Variants in PDLIM5 observed in about 807,000 individuals in gnomAD.
PDLIM5 encodes PDZ and LIM domain 5, also known as PDZ and LIM domain protein 5.
PDLIM5 carries 34 observed loss-of-function variants against 64.2 expected under a neutral mutation model. That is an observed-to-expected ratio of 0.53 (90% confidence interval 0.40 to 0.71). The LOEUF is 0.71. PDLIM5 is among the 30% of genes least tolerant of loss of function. PDLIM5 has a pLI of 0.00. For missense variants in PDLIM5, 683 were observed against 733.6 expected (o/e 0.93, Z 0.80); for synonymous variants, 253 against 269.1 (o/e 0.94, Z 0.59).
At chr4:94,454,325 GTT>G (rs775434642) in intron 1 of PDLIM5, among the ~76,000 whole-genome samples, 15 of 121,826 alleles carry the variant, frequency 1.2e-4, no homozygotes, top group Admixed American at 1.7e-4. Flanking sequence ...GAAACTCGAA[GTT>G]TTTTTTTTTT....
At chr4:94,549,085 A>G (rs140994715) in intron 3 of PDLIM5, among the ~76,000 whole-genome samples, 7 of 152,288 alleles carry the variant, frequency 4.6e-5, no homozygotes, top group Admixed American at 1.3e-4. Flanking sequence ...TCGGTTTCCA[A>G]TACTTGTTTG....
intron 3 of PDLIM5, among the ~76,000 whole-genome samples, chr4:94,556,282 C>T (rs1733312996): frequency 6.6e-6 from 1 of 152,130 alleles, no homozygotes; most frequent in Non-Finnish European, 1.5e-5. Context: ...ATATGTGCCA[C>T]ATTTTCTTAA....
chr4:94,463,276 C>G (rs184314932), intron 2 of PDLIM5, among the ~76,000 whole-genome samples: 2 of 152,272 alleles, frequency 1.3e-5, no homozygotes, highest in African/African-American at 4.8e-5. Context: ...GCACCAACCC[C>G]CTGTGCAGTC....
At chr4:94,516,982 A>T (rs1158866176) in intron 2 of PDLIM5, among the ~76,000 whole-genome samples, 1 of 152,242 alleles carries the variant, frequency 6.6e-6, no homozygotes, top group African/African-American at 2.4e-5. Context: ...TAAATGCTGA[A>T]GTGTGATATT....
At chr4:94,527,738 T>G (rs539676755) in intron 3 of PDLIM5, among the ~76,000 whole-genome samples, 4 of 152,236 alleles carry the variant, frequency 2.6e-5, no homozygotes, top group Admixed American at 6.5e-5. Context: ...AGAGTGAGTC[T>G]GTCTTGCCTT....
At chr4:94,537,259 T>C (rs1454664194) in intron 3 of PDLIM5, among the ~76,000 whole-genome samples, 2 of 152,162 alleles carry the variant, frequency 1.3e-5, no homozygotes, top group Non-Finnish European at 2.9e-5. Flanking sequence ...GCCTTTATCT[T>C]GGCTGTTCTG....
intron 2 of PDLIM5, among the ~76,000 whole-genome samples, chr4:94,485,051 CGT>C (rs1207623013): frequency 5.3e-5 from 8 of 151,820 alleles, no homozygotes; most frequent in African/African-American, 1.7e-4. Context: ...TCCTCCATCA[CGT>C]GTGTTTCTGG....
At chr4:94,586,081 A>G (rs552613943) in intron 6 of PDLIM5, among the ~76,000 whole-genome samples, 1 of 152,226 alleles carries the variant, frequency 6.6e-6, no homozygotes, top group Non-Finnish European at 1.5e-5. Context: ...GAGGCAGGAG[A>G]ATCATTTGAA....
At chr4:94,488,407 TA>T (rs1276915396) in intron 2 of PDLIM5, among the ~76,000 whole-genome samples, 1 of 152,186 alleles carries the variant, frequency 6.6e-6, no homozygotes, top group Non-Finnish European at 1.5e-5. Flanking sequence ...TCATAGGTGT[TA>T]ACTTTTTAGT....
chr4:94,455,526 A>G (rs1423529743), intron 2 of PDLIM5, 142 bp downstream of exon 2: 4 of 691,792 alleles, frequency 5.8e-6, no homozygotes, highest in South Asian at 5.1e-5. Context: ...GATTATCTAT[A>G]ATAAAGGATG....
rs891128048 is a variant in PDLIM5, at chr4:94,455,238, C to G, written c.-42-9C>G. 4.6e-6 allele frequency: 5 copies of G among 1,077,858 alleles called. No homozygotes were observed. Among genetic ancestry groups the G allele is most frequent in the Non-Finnish European group, 7.1e-6 (5 of 704,544 alleles). 66.8% of individuals were successfully genotyped at this position (1,077,858 alleles called of 1,614,324 possible). A position where few individuals can be genotyped will look rare whatever the true frequency, so the allele number is the denominator to read the frequency against. On this transcript the variant is annotated splice_polypyrimidine_tract_variant and intron_variant, in intron 1 of 12. Transcript: ENST00000317968. ...ACATTTTTGCTAATCATCTGATTTT[C>G]TTTCACAGCATATTTCATTTTCTGT...
intron 9 of PDLIM5, among the ~76,000 whole-genome samples, chr4:94,653,543 G>A (rs937641905): frequency 4.4e-5 from 6 of 135,684 alleles, no homozygotes; most frequent in African/African-American, 1.5e-4. Flanking sequence ...AGTATTTAAT[G>A]GGGAAAAAAA....
In PDLIM5 at chr4:94,503,025, A is replaced by G. The variant is rs560739151; in HGVS notation, c.97-20699A>G. Among the ~76,000 whole-genome samples the G allele has an allele frequency of 1.2e-4, 18 of 152,130 alleles. No individual in the cohort carries two copies. In the East Asian group the frequency reaches 3.5e-3, roughly 29 times the overall value. ...GCTTTGGTAAGGTTTTTTCCTTTCTAGTTTGTTATTTTGAAAATGTTGGTT... is the reference window on the plus strand; with the variant it reads ...GCTTTGGTAAGGTTTTTTCCTTTCTGGTTTGTTATTTTGAAAATGTTGGTT... On this transcript the variant is annotated intron_variant, in intron 2 of 12. Coordinates refer to ENST00000317968, the MANE Select transcript of PDLIM5 (RefSeq NM_006457.5).
chr4:94,605,114 C>G (rs1159033910), intron 7 of PDLIM5, among the ~76,000 whole-genome samples: 1 of 152,134 alleles, frequency 6.6e-6, no homozygotes, highest in Non-Finnish European at 1.5e-5. Flanking sequence ...GGACACAAAG[C>G]ATCCAGTAGA....
intron 7 of PDLIM5, among the ~76,000 whole-genome samples, chr4:94,609,310 ACT>A (rs1738176710): frequency 2.0e-5 from 3 of 152,170 alleles, no homozygotes; most frequent in South Asian, 4.1e-4. Flanking sequence ...ACGTTTATAC[ACT>A]CTTTTTATTT....
intron 7 of PDLIM5, among the ~76,000 whole-genome samples, chr4:94,604,887 A>G (rs13120947): frequency 6.6e-6 from 1 of 152,212 alleles, no homozygotes; most frequent in Non-Finnish European, 1.5e-5. Flanking sequence ...TGAGGAATGC[A>G]AATTGTCCAT....
At chr4:94,498,003 A>G (rs1727561139) in intron 2 of PDLIM5, among the ~76,000 whole-genome samples, 1 of 151,538 alleles carries the variant, frequency 6.6e-6, no homozygotes, top group Non-Finnish European at 1.5e-5. Flanking sequence ...TGTTGTTGGA[A>G]AATCCTTTCT....
At chr4:94,554,207 C>A (rs1449307701) in intron 3 of PDLIM5, among the ~76,000 whole-genome samples, 1 of 152,138 alleles carries the variant, frequency 6.6e-6, no homozygotes, top group African/African-American at 2.4e-5. Context: ...ACAATGAAAT[C>A]ATTTGAGTTT....
At position 94,664,100 on chromosome 4, in the gene PDLIM5, G is replaced by T; in HGVS notation, c.*33G>T. On this transcript the variant is annotated 3_prime_UTR_variant, in exon 13 of 13. Transcript: ENST00000317968. Reference sequence around the variant, plus strand: ...CAGTTCAGGAGAAGAGAAGGAATTTGAAGAGAAAAAGGAAAATTAAAATTA... The same window carrying T: ...CAGTTCAGGAGAAGAGAAGGAATTTTAAGAGAAAAAGGAAAATTAAAATTA... 6.7e-7 allele frequency: 1 copy of T among 1,489,256 alleles called. No homozygotes were observed. The highest frequency in any genetic ancestry group is 1.4e-5 in the South Asian group (1 of 72,062). 92.3% of individuals were successfully genotyped at this position (1,489,256 alleles called of 1,614,324 possible).
Sources: gnomAD v4.1 joint callset for allele counts (sites outside exome capture counted in the v4.1 genomes callset) on GRCh38, gnomAD v4.1.1 for gene constraint, MANE v1.5 for transcripts, NCBI Gene and HGNC (gene_info 2026-07-23, HGNC 2026-07-21) for gene names.